Variants in FNDC9 observed in about 807,000 individuals in gnomAD.
FNDC9 encodes fibronectin type III domain-containing protein 9.
In FNDC9, 3 loss-of-function variants were observed where a neutral mutation model predicts 9.0. The observed-to-expected ratio is 0.33, with a 90% CI of 0.15 to 0.86. The LOEUF is 0.86. FNDC9 is among the 40% of genes least tolerant of loss of function. The pLI is 0.53. For missense variants in FNDC9, 279 were observed against 287.2 expected (o/e 0.97, Z 0.21); for synonymous variants, 114 against 115.6 (o/e 0.99, Z 0.09).
At chr5:157,344,110 T>A (rs1387510248) in intron 1 of FNDC9, among the ~76,000 whole-genome samples, 3 of 152,192 alleles carry the variant, frequency 2.0e-5, no homozygotes, top group Non-Finnish European at 2.9e-5. Context: ...GCAGCTGATC[T>A]CACCCCAAAG....
At chr5:157,343,633 A>T in intron 1 of FNDC9, 90 bp from the exon 2 acceptor site, 2 of 1,022,462 alleles carry the variant, frequency 2.0e-6, no homozygotes, top group Non-Finnish European at 2.8e-6. Context: ...CACATTTGAG[A>T]CGGGCACTCA....
chr5:157,344,402 G>A (rs556596153), intron 1 of FNDC9, among the ~76,000 whole-genome samples: 12 of 152,052 alleles, frequency 7.9e-5, no homozygotes, highest in South Asian at 2.1e-4. Flanking sequence ...ATGTCACACC[G>A]CTAATACGTA....
intron 1 of FNDC9, 142 bp from the exon 2 acceptor site, chr5:157,343,685 G>A (rs1762470327): frequency 1.8e-5 from 13 of 712,432 alleles, no homozygotes; most frequent in Non-Finnish European, 2.9e-5. Flanking sequence ...AGGCCGAGAG[G>A]TTCTGTTATT....
rs201701167 is a variant in FNDC9, at chr5:157,342,906, C to A, written c.631G>T (p.Gly211Trp). The A allele has an allele frequency of 5.3e-5, 86 of 1,614,102 alleles. 1 individual carries two copies. The East Asian group carries it at 1.5e-3, about 28-fold the overall frequency. Residue 211 changes from glycine (G) to tryptophan (W), a missense_variant, in exon 2 of 2, where the codon GGG (glycine) becomes TGG (tryptophan). Gly to Trp is a radical substitution (Grantham distance 184). Transcript: ENST00000312349. ...DAPDAGALQRGGGDPPAILPH... is the reference protein window; with the variant it reads ...DAPDAGALQRWGGDPPAILPH... ...AGTATAGCGGGTGGGTCACCACCCC[C>A]CCTCTGTAAGGCACCCGCATCAGGG... is the stretch of plus-strand genomic sequence containing the variant.
rs1561747212 is a variant in FNDC9, at chr5:157,342,903, C to T, written c.634G>A (p.Gly212Ser). ...GGCAGTATAGCGGGTGGGTCACCAC[C>T]CCCCCTCTGTAAGGCACCCGCATCA... The part of the protein sequence containing the change: ...APDAGALQRG[G>S]GDPPAILPHC... The change falls in exon 2 of 2, where the codon GGT becomes AGT. Residue 212 changes from glycine (G) to serine (S), a missense_variant. Physicochemically the swap from Gly to Ser is moderately conservative, Grantham distance 56 (BLOSUM62 0). Coordinates refer to ENST00000312349, the MANE Select transcript of FNDC9 (RefSeq NM_001001343.4). The T allele has an allele frequency of 6.2e-7, 1 of 1,614,038 alleles. No homozygotes were observed.
Position 157,343,493 on chromosome 5 carries a change from A to G in FNDC9, c.44T>C (p.Ile15Thr). 1 of 1,598,832 alleles carries G rather than the reference A, an allele frequency of 6.3e-7. No individual in the cohort carries two copies. Among genetic ancestry groups the G allele is most frequent in the Middle Eastern group, 1.7e-4 (1 of 5,990 alleles). ...VGNISYTGAIISWSSSEPCLE... is the reference protein window; with the variant it reads ...VGNISYTGAITSWSSSEPCLE... ...GCAGGGCTCCGAGGACGACCAGGAG[A>G]TGATGGCTCCTGTATAAGAAATGTT... Residue 15 changes from isoleucine to threonine, a missense_variant, in exon 2 of 2, where the codon ATC (isoleucine) becomes ACC (threonine). Physicochemically the swap from Ile to Thr is moderately conservative, Grantham distance 89. Transcript: ENST00000312349.
chr5:157,344,054 G>C (rs996325131), intron 1 of FNDC9, among the ~76,000 whole-genome samples: 3 of 151,970 alleles, frequency 2.0e-5, no homozygotes, highest in African/African-American at 7.3e-5. Context: ...TTAGCCTCCT[G>C]GTTCTGTTGC....
In FNDC9 at chr5:157,343,465, C is replaced by T. The variant is rs545494445; in HGVS notation, c.72G>A (p.Leu24=). 2 of 1,609,506 alleles carry T rather than the reference C, an allele frequency of 1.2e-6. No homozygotes were observed. Among genetic ancestry groups the T allele is most frequent in the African/African-American group, 2.7e-5 (2 of 74,952 alleles). Residue 24 remains leucine (L), a synonymous_variant, in exon 2 of 2, where the codon CTG becomes CTA. Transcript: ENST00000312349. ...TGTACATAATATGGTAATAGTCCTC[C>T]AGGCAGGGCTCCGAGGACGACCAGG... is the stretch of plus-strand genomic sequence containing the variant. ...IISWSSSEPC[L]EDYYHIMYRP...
chr5:157,345,180 G>T (rs566345794), intron 1 of FNDC9, among the ~76,000 whole-genome samples: 1 of 152,038 alleles, frequency 6.6e-6, no homozygotes, highest in Non-Finnish European at 1.5e-5. Flanking sequence ...ATACACTTTC[G>T]ACCACGATGA....
intron 1 of FNDC9, among the ~76,000 whole-genome samples, chr5:157,343,775 C>G (rs1762476959): frequency 6.6e-6 from 1 of 152,114 alleles, no homozygotes; most frequent in Non-Finnish European, 1.5e-5. Flanking sequence ...AGAACAGATG[C>G]ACCCATGCAA....
chr5:157,343,530 T>A lies in FNDC9; in HGVS notation c.7A>T (p.Ile3Phe), dbSNP rs1303485634. 5.1e-6 allele frequency: 8 copies of A among 1,554,218 alleles called. No homozygotes were observed. The highest frequency in any genetic ancestry group is 6.1e-6 in the Non-Finnish European group (7 of 1,146,488). MN[I>F]EVGNISYTGA... Reference sequence around the variant, plus strand: ...GTATAAGAAATGTTCCCCACCTCGATGTTCATCCCGATTCTGGAACCAGAA... The same window carrying A: ...GTATAAGAAATGTTCCCCACCTCGAAGTTCATCCCGATTCTGGAACCAGAA... The change falls in exon 2 of 2, where the codon ATC becomes TTC. Residue 3 changes from isoleucine to phenylalanine, a missense_variant. Physicochemically the swap from Ile to Phe is conservative, Grantham distance 21. Transcript: ENST00000312349.
rs999759227 is a variant in FNDC9, at chr5:157,342,954, C to T, written c.583G>A (p.Asp195Asn). 1.2e-6 allele frequency: 2 copies of T among 1,614,122 alleles called. No individual in the cohort carries two copies. Among genetic ancestry groups the T allele is most frequent in the African/African-American group, 2.7e-5 (2 of 74,946 alleles). The change falls in exon 2 of 2, where the codon GAT (aspartate) becomes AAT (asparagine). Residue 195 changes from aspartate to asparagine, a missense_variant. Physicochemically the swap from Asp to Asn is conservative, Grantham distance 23. Transcript: ENST00000312349. The stretch of plus-strand genomic sequence containing the variant: ...GGGGCATCCTGGTTGGCTTCGGGAT[C>T]CAGTTCAGCTCCATCTCTGGAGTTC... The part of the protein sequence containing the change: ...RKNSRDGAEL[D>N]PEANQDAPDA...
rs560323524 is a variant in FNDC9, at chr5:157,341,938, C to T, written c.*924G>A. 2 of 152,408 alleles carry T rather than the reference C, an allele frequency of 1.3e-5. No homozygotes were observed. The highest frequency in any genetic ancestry group is 4.8e-5 in the African/African-American group (2 of 41,570). 9.4% of individuals were successfully genotyped at this position (152,408 alleles called of 1,614,324 possible). A position where few individuals can be genotyped will look rare whatever the true frequency, so the allele number is the denominator to read the frequency against. ...CATTTGAGGTGGTTCACAGACATGG[C>T]ATTTAACTAACACTGACTCGCAAAG... On this transcript the variant is annotated 3_prime_UTR_variant, in exon 2 of 2. Coordinates refer to ENST00000312349, the MANE Select transcript of FNDC9 (RefSeq NM_001001343.4).
At chr5:157,345,056 C>T (rs1056097704) in intron 1 of FNDC9, among the ~76,000 whole-genome samples, 10 of 152,220 alleles carry the variant, frequency 6.6e-5, no homozygotes, top group Admixed American at 2.0e-4. Flanking sequence ...AGGGATGAGA[C>T]GGATGTGCTC....
Position 157,342,977 on chromosome 5 carries a change from T to G in FNDC9, c.560A>C (p.Asn187Thr). 1 of 1,614,150 alleles carries G rather than the reference T, an allele frequency of 6.2e-7. No individual in the cohort carries two copies. Among genetic ancestry groups the G allele is most frequent in the East Asian group, 2.2e-5 (1 of 44,886 alleles). ...ATCCAGTTCAGCTCCATCTCTGGAG[T>G]TCTTGCGTGGCATTTCCACCAGGGG... ...GLPLVEMPRK[N>T]SRDGAELDPE... The change falls in exon 2 of 2, where the codon AAC (asparagine) becomes ACC (threonine). Residue 187 changes from asparagine (N) to threonine (T), a missense_variant. Transcript: ENST00000312349.
Position 157,345,194 on chromosome 5 carries a change from G to T in FNDC9, c.-8+347C>A, listed in dbSNP as rs150267724. On this transcript the variant is annotated intron_variant, in intron 1 of 1. Coordinates refer to ENST00000312349, the MANE Select transcript of FNDC9 (RefSeq NM_001001343.4). ...AATACACTTTCGACCACGATGAAAA[G>T]AGCTTAATTCATTATAGGCAGCCAC... Among the ~76,000 whole-genome samples the T allele has an allele frequency of 6.2e-3, 943 of 152,266 alleles. 14 individuals are homozygous for T. The highest frequency in any genetic ancestry group is 0.022 in the African/African-American group (895 of 41,550).
chr5:157,343,178 A>G lies in FNDC9; in HGVS notation c.359T>C (p.Leu120Pro). 6.2e-7 allele frequency: 1 copy of G among 1,614,246 alleles called. No individual in the cohort carries two copies. Among genetic ancestry groups the G allele is most frequent in the Non-Finnish European group, 8.5e-7 (1 of 1,180,026 alleles). ...CAAGACGGCTGTGAAGCAGGCCAGC[A>G]GAATGGCCATCAGCACCCAAAGGGA... ...QISLWVLMAI[L>P]LACFTAVLAF... Residue 120 changes from leucine (L) to proline (P), a missense_variant, in exon 2 of 2, where the codon CTG (leucine) becomes CCG (proline). Leu to Pro is a moderately conservative substitution (Grantham distance 98, BLOSUM62 -3). Coordinates refer to ENST00000312349, the MANE Select transcript of FNDC9 (RefSeq NM_001001343.4).
At chr5:157,343,645 G>C in intron 1 of FNDC9, 102 bp from the exon 2 acceptor site, 1 of 916,566 alleles carries the variant, frequency 1.1e-6, no homozygotes. Context: ...GGGCACTCAT[G>C]TTGCCCTCAT....
At position 157,342,884 on chromosome 5, in the gene FNDC9, A is replaced by G. The variant is rs754179786; in HGVS notation, c.653T>C (p.Ile218Thr). 7 of 1,613,484 alleles carry G rather than the reference A, an allele frequency of 4.3e-6. No individual in the cohort carries two copies. The South Asian group carries it at 7.7e-5, about 18-fold the overall frequency. The change falls in exon 2 of 2, where the codon ATA becomes ACA. Residue 218 changes from isoleucine (I) to threonine (T), a missense_variant. Coordinates refer to ENST00000312349, the MANE Select transcript of FNDC9 (RefSeq NM_001001343.4). ...LQRGGGDPPA[I>T]LPHCGE is the part of the protein sequence containing the mutation. Reference sequence around the variant, plus strand: ...CTCTCATTCCCCACAATGAGGCAGTATAGCGGGTGGGTCACCACCCCCCCT... The same window carrying G: ...CTCTCATTCCCCACAATGAGGCAGTGTAGCGGGTGGGTCACCACCCCCCCT...
Sources: allele counts gnomAD v4.1 joint callset (sites outside exome capture counted in the v4.1 genomes callset), GRCh38; gene constraint gnomAD v4.1.1; transcripts MANE v1.5; gene names NCBI Gene and HGNC (gene_info 2026-07-23, HGNC 2026-07-21).